The following EIF2AK3 variants were observed in gnomAD, a reference collection of about 807,000 sequenced individuals.
The protein encoded by EIF2AK3 is eukaryotic translation initiation factor 2 alpha kinase 3, also known as eukaryotic translation initiation factor 2-alpha kinase 3.
Under a neutral mutation model 113.5 loss-of-function variants are expected in EIF2AK3, and 50 were observed. That is an observed-to-expected ratio of 0.44 (90% CI 0.35 to 0.56). The LOEUF is 0.56. Among genes scored for constraint, EIF2AK3 ranks in the 20% least tolerant of loss-of-function variants. The pLI, the probability that EIF2AK3 is intolerant of heterozygous loss-of-function variation, is 0.00. For missense variants in EIF2AK3, 1,185 were observed against 1,378.0 expected (o/e 0.86, Z 2.22); for synonymous variants, 448 against 495.4 (o/e 0.90, Z 1.27).
At chr2:88,577,109 G>A (rs1381764008) in intron 11 of EIF2AK3, among the ~76,000 whole-genome samples, 5 of 151,580 alleles carry the variant, frequency 3.3e-5, no homozygotes, top group Admixed American at 1.3e-4. Flanking sequence ...TCAGCCTCCC[G>A]AGTAGCTGGG....
intron 2 of EIF2AK3, among the ~76,000 whole-genome samples, chr2:88,602,283 A>G (rs1473985460): frequency 2.0e-5 from 3 of 152,094 alleles, no homozygotes; most frequent in Admixed American, 1.3e-4. Flanking sequence ...TCCAGAAGTA[A>G]CTCACCCACT....
intron 1 of EIF2AK3, among the ~76,000 whole-genome samples, chr2:88,623,127 T>C (rs1363381612): frequency 1.3e-5 from 2 of 152,240 alleles, no homozygotes; most frequent in African/African-American, 4.8e-5. Flanking sequence ...TCAGAATGTC[T>C]TCCCAACCCA....
chr2:88,561,854 G>A (rs1365581949), intron 15 of EIF2AK3, among the ~76,000 whole-genome samples: 1 of 151,888 alleles, frequency 6.6e-6, no homozygotes, highest in African/African-American at 2.4e-5. Flanking sequence ...GCAAGACCTT[G>A]CCTTGAGAAA....
intron 14 of EIF2AK3, among the ~76,000 whole-genome samples, chr2:88,564,445 C>T (rs1674049675): frequency 6.6e-6 from 1 of 152,102 alleles, no homozygotes; most frequent in Non-Finnish European, 1.5e-5. Context: ...TATACATTGC[C>T]ATAAAATTTC....
intron 2 of EIF2AK3, among the ~76,000 whole-genome samples, chr2:88,601,010 A>G (rs1675135926): frequency 1.3e-5 from 2 of 152,340 alleles, no homozygotes; most frequent in South Asian, 2.1e-4. Context: ...AGTTCCAACA[A>G]TTATCAACAT....
chr2:88,562,791 A>G (rs1431314553), intron 14 of EIF2AK3, among the ~76,000 whole-genome samples: 1 of 152,226 alleles, frequency 6.6e-6, no homozygotes, highest in African/African-American at 2.4e-5. Context: ...ACCCATTTTT[A>G]TGAGAAAATC....
At chr2:88,620,506 C>T (rs1675694372) in intron 1 of EIF2AK3, among the ~76,000 whole-genome samples, 1 of 152,156 alleles carries the variant, frequency 6.6e-6, no homozygotes, top group African/African-American at 2.4e-5. Context: ...AGCAAAGGAA[C>T]TTCACTTTTT....
intron 2 of EIF2AK3, among the ~76,000 whole-genome samples, chr2:88,597,786 G>C (rs1441972544): frequency 6.6e-6 from 1 of 151,980 alleles, no homozygotes; most frequent in African/African-American, 2.4e-5. Flanking sequence ...TTTCCTTTTT[G>C]TTGTCACTAT....
chr2:88,618,781 T>C (rs998294468), intron 1 of EIF2AK3, among the ~76,000 whole-genome samples: 8 of 152,232 alleles, frequency 5.3e-5, no homozygotes, highest in African/African-American at 1.9e-4. Flanking sequence ...AAAGCATTTA[T>C]TTGGATGATT....
chr2:88,611,669 C>T (rs1343086362), intron 2 of EIF2AK3, among the ~76,000 whole-genome samples: 1 of 152,114 alleles, frequency 6.6e-6, no homozygotes, highest in Non-Finnish European at 1.5e-5. Context: ...CTTGCACTGT[C>T]GCCTGGGCTG....
At chr2:88,623,109 T>A (rs1168257094) in intron 1 of EIF2AK3, among the ~76,000 whole-genome samples, 1 of 152,244 alleles carries the variant, frequency 6.6e-6, no homozygotes, top group African/African-American at 2.4e-5. Flanking sequence ...TTAGAACTTC[T>A]GAGATTGTCA....
At position 88,574,835 on chromosome 2, in the gene EIF2AK3, T is replaced by C; in HGVS notation, c.2648A>G (p.Tyr883Cys). The change falls in exon 13 of 17, where the codon TAT becomes TGT. Residue 883 changes from tyrosine to cysteine, a missense_variant. This residue lies in a region of EIF2AK3 where 877 missense variants were observed against 1,024.2 expected (regional missense o/e 0.86). Transcript: ENST00000303236. Reference protein sequence around the residue: ...EKLQPSSPKVYLYIQMQLCRK... With the variant: ...EKLQPSSPKVCLYIQMQLCRK... ...GCACAGCTGCATTTGAATGTAAAGA[T>C]ACACCTTTGGTGAACTGGGCTGGAG... The C allele has an allele frequency of 6.2e-7, 1 of 1,614,214 alleles. No homozygotes were observed. The highest frequency in any genetic ancestry group is 8.5e-7 in the Non-Finnish European group (1 of 1,180,022).
chr2:88,611,350 C>G (rs1279518865), intron 2 of EIF2AK3, among the ~76,000 whole-genome samples: 1 of 152,116 alleles, frequency 6.6e-6, no homozygotes, highest in Non-Finnish European at 1.5e-5. Flanking sequence ...TAAGCAGCAT[C>G]GAGTATATGT....
At chr2:88,591,102 CA>C in intron 4 of EIF2AK3, 50 bp from the exon 5 acceptor site, 1 of 1,508,952 alleles carries the variant, frequency 6.6e-7, no homozygotes, top group Non-Finnish European at 9.2e-7. Flanking sequence ...AAGAAAGGGA[CA>C]AAATAATATA....
intron 13 of EIF2AK3, among the ~76,000 whole-genome samples, chr2:88,571,659 G>A (rs989269649): frequency 9.2e-5 from 14 of 152,176 alleles, no homozygotes; most frequent in Admixed American, 8.5e-4. Flanking sequence ...CCAGATTTCA[G>A]TCCAGTTCTT....
chr2:88,559,163 T>G (rs1673871265), intron 15 of EIF2AK3, among the ~76,000 whole-genome samples, 184 bp from the exon 16 acceptor site: 1 of 152,134 alleles, frequency 6.6e-6, no homozygotes, highest in South Asian at 2.1e-4. Flanking sequence ...CCATCAAATA[T>G]CCTCAAAATA....
At chr2:88,628,074 AGG>A (rs1675923736), upstream of EIF2AK3, 1 of 152,424 alleles carries the variant, frequency 6.6e-6, no homozygotes, top group African/African-American at 2.4e-5. Flanking sequence ...AGGAGGATGC[AGG>A]AGATGGTCCT....
intron 2 of EIF2AK3, among the ~76,000 whole-genome samples, chr2:88,597,424 C>G (rs1675045093): frequency 6.6e-6 from 1 of 152,114 alleles, no homozygotes; most frequent in African/African-American, 2.4e-5. Flanking sequence ...TCTTCAACAG[C>G]TATTATCTTC....
chr2:88,622,028 C>T (rs1160777820), intron 1 of EIF2AK3, among the ~76,000 whole-genome samples: 1 of 151,610 alleles, frequency 6.6e-6, no homozygotes, highest in Non-Finnish European at 1.5e-5. Flanking sequence ...TCCTGAGTAG[C>T]TGGGACTACA....
Sources: allele counts gnomAD v4.1 joint callset (sites outside exome capture counted in the v4.1 genomes callset), GRCh38; gene constraint gnomAD v4.1.1; regional missense constraint gnomAD v4.1.1; transcripts MANE v1.5; gene names NCBI Gene and HGNC (gene_info 2026-07-23, HGNC 2026-07-21).